KIF7: variants seen among roughly 807,000 people sequenced by gnomAD.
KIF7 encodes the protein kinesin family member 7, also known as kinesin-like protein KIF7.
Under a neutral mutation model 135.7 loss-of-function variants are expected in KIF7, and 104 were observed. The ratio of observed to expected loss-of-function variants is 0.77; its 90% CI spans 0.65 to 0.90. KIF7 has a LOEUF of 0.90. KIF7 is among the 40% of genes least tolerant of loss of function. The probability of loss-of-function intolerance (pLI) is 0.00; values close to 1 mark genes in which losing one functional copy is unlikely to be tolerated. For synonymous variants in KIF7, 883 were observed against 809.4 expected (o/e 1.09, Z -1.54); for missense variants, 2,005 against 1,839.1 (o/e 1.09, Z -1.65).
intron 10 of KIF7, among the ~76,000 whole-genome samples, chr15:89,643,758 G>A (rs141820624): frequency 3.0e-4 from 45 of 152,244 alleles, no homozygotes; most frequent in African/African-American, 7.2e-4. Context: ...GTTGGCACAC[G>A]CCTGTAGTCC....
In KIF7 at chr15:89,629,577, TCCCAAGA is replaced by T. The variant is rs1389150778; in HGVS notation, c.3319-11_3319-5del. The T allele has an allele frequency of 6.2e-7, 1 of 1,604,568 alleles. No homozygotes were observed. Among genetic ancestry groups the T allele is most frequent in the Non-Finnish European group, 8.5e-7 (1 of 1,179,972 alleles). On this transcript the variant is annotated splice_polypyrimidine_tract_variant and splice_region_variant and intron_variant, in intron 16 of 18. Transcript: ENST00000394412. ...GCTCCTCTCGGAGCGTCACCACCTG[TCCCAAGA>T]CCCAGCCAGGCTCAGCCCTCATCAT...
rs1217875912 is a variant in KIF7 at position 89,646,936 on chromosome 15, G to A, written c.1682C>T (p.Pro561Leu). Reference protein sequence around the residue: ...LNGLPPGSFVPRPHTAPLGGA... With the variant: ...LNGLPPGSFVLRPHTAPLGGA... ...CCCCAGGGGGGCTGTATGAGGTCGA[G>A]GCACAAAGGACCCGGGAGGCAGGCC... The change falls in exon 7 of 19, where the codon CCT (proline) becomes CTT (leucine). Residue 561 changes from proline (P) to leucine (L), a missense_variant. Coordinates refer to ENST00000394412, the MANE Select transcript of KIF7 (RefSeq NM_198525.3). The A allele has an allele frequency of 6.2e-7, 1 of 1,613,872 alleles. No individual in the cohort carries two copies. The highest frequency in any genetic ancestry group is 8.5e-7 in the Non-Finnish European group (1 of 1,180,000).
chr15:89,649,531 C>T (rs1263345246), intron 3 of KIF7, among the ~76,000 whole-genome samples, 164 bp from the exon 4 acceptor site: 4 of 152,154 alleles, frequency 2.6e-5, no homozygotes, highest in African/African-American at 7.2e-5. Context: ...TGAGGGGCTC[C>T]GGCTTCCCAC....
chr15:89,648,410 G>A lies in KIF7; in HGVS notation c.1288C>T (p.Pro430Ser), dbSNP rs1368352498. 3.5e-6 allele frequency: 4 copies of A among 1,134,298 alleles called. No individual in the cohort carries two copies. Among genetic ancestry groups the A allele is most frequent in the Non-Finnish European group, 4.3e-6 (4 of 925,212 alleles). The allele number at this position is 1,134,298 out of a possible 1,614,324, so 70.3% of individuals were successfully genotyped here. The change falls in exon 5 of 19, where the codon CCC (proline) becomes TCC (serine). Residue 430 changes from proline (P) to serine (S), a missense_variant. Pro to Ser is a moderately conservative substitution (Grantham distance 74). Transcript: ENST00000394412. ...YSLLRELQAE[P>S]GLPGAAARKV... ...CGGGCGGCGGCGCCGGGCAGCCCGGGCTCGGCCTGCAGCTCGCGCAAGAGG... is the reference window on the plus strand; with the variant it reads ...CGGGCGGCGGCGCCGGGCAGCCCGGACTCGGCCTGCAGCTCGCGCAAGAGG...
At chr15:89,641,168 G>T (rs1173732500) in intron 11 of KIF7, among the ~76,000 whole-genome samples, 2 of 151,960 alleles carry the variant, frequency 1.3e-5, no homozygotes, top group East Asian at 3.9e-4. Context: ...CATTAGGGTG[G>T]GCCCTAATCC....
chr15:89,642,788 C>T (rs1027039953), intron 10 of KIF7, among the ~76,000 whole-genome samples: 2 of 152,254 alleles, frequency 1.3e-5, no homozygotes, highest in African/African-American at 2.4e-5. Context: ...AGGCTGGTCT[C>T]GAACTCCTGA....
rs1393897498 is a variant in KIF7 at position 89,636,303 on chromosome 15, G to A, written c.2395-2420C>T. ...CAAAATAACCAGCTAACATCATAAT[G>A]ACAGGATCAAATTCACACATAACAA... On this transcript the variant is annotated intron_variant, in intron 11 of 18. Transcript: ENST00000394412. Among the ~76,000 whole-genome samples, 17 of 148,560 alleles carry A rather than the reference G, an allele frequency of 1.1e-4. No homozygotes were observed. In the South Asian group the frequency reaches 3.8e-3, roughly 33 times the overall value.
upstream of KIF7, among the ~76,000 whole-genome samples, chr15:89,657,187 T>A (rs1964215629): frequency 1.3e-5 from 2 of 151,834 alleles, 1 homozygote; most frequent in South Asian, 4.2e-4. Flanking sequence ...GGGCCTATAG[T>A]CCCAGCTACT....
At chr15:89,642,113 G>A in intron 11 of KIF7, 90 bp downstream of exon 11, 2 of 1,354,448 alleles carry the variant, frequency 1.5e-6, no homozygotes, top group Non-Finnish European at 2.1e-6. Context: ...GTGAACTTGG[G>A]CCTCAGAGCC....
chr15:89,625,098 G>A (rs1963495151), downstream of KIF7: 3 of 1,613,790 alleles, frequency 1.9e-6, no homozygotes, highest in East Asian at 6.7e-5. Context: ...AGAGCTCTCT[G>A]GGAGAAGAGA....
chr15:89,630,329 T>G lies in KIF7; in HGVS notation c.3276A>C (p.Ser1092=). 1 of 1,614,124 alleles carries G rather than the reference T, an allele frequency of 6.2e-7. No homozygotes were observed. Among genetic ancestry groups the G allele is most frequent in the Non-Finnish European group, 8.5e-7 (1 of 1,180,002 alleles). Residue 1092 remains serine (S), a synonymous_variant, in exon 16 of 19, where the codon TCA becomes TCC. Coordinates refer to ENST00000394412, the MANE Select transcript of KIF7 (RefSeq NM_198525.3). ...MNLMAKLSYL[S]SSETRALLCK... is the part of the protein sequence containing the mutation. ...AGAGGAGGGCTCTGGTCTCTGAGGA[T>G]GAGAGGTAGCTGAGCTTGGCCATGA...
rs749953290 is a variant in KIF7 at position 89,642,293 on chromosome 15, C to G, written c.2304G>C (p.Glu768Asp). Reference protein sequence around the residue: ...ELSEGQRQLRELEGKELQDAG... With the variant: ...ELSEGQRQLRDLEGKELQDAG... ...CATCCTGGAGCTCCTTGCCCTCGAG[C>G]TCCCGCAGCTGCCTCTGGCCTTCAC... Residue 768 changes from glutamate to aspartate, a missense_variant, in exon 11 of 19, where the codon GAG becomes GAC. Glu to Asp is a conservative substitution (Grantham distance 45). Coordinates refer to ENST00000394412, the MANE Select transcript of KIF7 (RefSeq NM_198525.3). The G allele has an allele frequency of 6.2e-6, 10 of 1,610,118 alleles. No homozygotes were observed. The highest frequency in any genetic ancestry group is 7.6e-6 in the Non-Finnish European group (9 of 1,179,512).
intron 1 of KIF7, chr15:89,621,396 A>C: frequency 6.3e-7 from 1 of 1,592,936 alleles, no homozygotes; most frequent in Non-Finnish European, 8.5e-7. Context: ...CTTGCAGACC[A>C]AAGAGAAAAT....
downstream of KIF7, chr15:89,623,537 C>T (rs1449510488): frequency 9.1e-6 from 12 of 1,318,054 alleles, no homozygotes; most frequent in Middle Eastern, 4.3e-4. Flanking sequence ...CTATAAATCT[C>T]CCATTTGGTC....
At chr15:89,650,868 G>A (rs775818035) in intron 2 of KIF7, among the ~76,000 whole-genome samples, 9 of 152,012 alleles carry the variant, frequency 5.9e-5, no homozygotes, top group African/African-American at 2.2e-4. Flanking sequence ...GAGCCCCTGC[G>A]CCTGGCCTAA....
chr15:89,640,824 TAA>T (rs10716351), intron 11 of KIF7, among the ~76,000 whole-genome samples: 1,412 of 134,556 alleles, frequency 0.01, 16 homozygotes, highest in African/African-American at 0.03. Flanking sequence ...TGTCTCTACT[TAA>T]AAAAAAAAAA....
rs376919553 is a variant in KIF7 at position 89,633,231 on chromosome 15, G to C, written c.2628C>G (p.Ile876Met). Residue 876 changes from isoleucine to methionine, a missense_variant, in exon 13 of 19, where the codon ATC becomes ATG. By Grantham distance (10) the Ile-to-Met change is conservative. Transcript: ENST00000394412. ...LELKHEQQQKILKIKTEEIAA... is the reference protein window; with the variant it reads ...LELKHEQQQKMLKIKTEEIAA... ...CGATCTCTTCCGTCTTAATCTTCAG[G>C]ATCTTCTGCTGTTGCTCATGCTTCA... 42 of 1,587,254 alleles carry C rather than the reference G, an allele frequency of 2.6e-5. No individual in the cohort carries two copies. Among genetic ancestry groups the C allele is most frequent in the Non-Finnish European group, 3.4e-5 (40 of 1,169,310 alleles).
At chr15:89,654,330 GA>G (rs56346950) in intron 1 of KIF7, among the ~76,000 whole-genome samples, 3 of 143,988 alleles carry the variant, frequency 2.1e-5, no homozygotes, top group South Asian at 2.2e-4. Flanking sequence ...ATATTAAGGG[GA>G]AAAAAAAAAA....
At chr15:89,634,512 C>G (rs903131708) in intron 11 of KIF7, among the ~76,000 whole-genome samples, 6 of 152,180 alleles carry the variant, frequency 3.9e-5, no homozygotes, top group Non-Finnish European at 7.4e-5. Context: ...TTGCCTCACT[C>G]GGGAAGTGCA....
Sources: allele counts gnomAD v4.1 joint callset (sites outside exome capture counted in the v4.1 genomes callset), GRCh38; gene constraint gnomAD v4.1.1; transcripts MANE v1.5; gene names NCBI Gene and HGNC (gene_info 2026-07-23, HGNC 2026-07-21).